The following ACOXL variants were observed in gnomAD, a reference collection of about 807,000 sequenced individuals.
The protein encoded by ACOXL is acyl-coenzyme A oxidase-like protein.
A neutral mutation model predicts 71.9 loss-of-function variants in ACOXL; 70 were observed. The observed-to-expected ratio is 0.97, with a 90% CI of 0.80 to 1.19. The LOEUF (loss-of-function observed/expected upper bound fraction) is 1.19. ACOXL is among the 50% of genes most tolerant of loss of function. The pLI, the probability that ACOXL is intolerant of heterozygous loss-of-function variation, is 0.00. For synonymous variants in ACOXL, 253 were observed against 281.6 expected, an observed-to-expected ratio of 0.90 and a Z score of 1.02; for missense variants, 703 against 736.3, an observed-to-expected ratio of 0.95 and a Z score of 0.52.
chr2:111,029,484 G>A (rs1052333385), intron 14 of ACOXL, among the ~76,000 whole-genome samples: 1 of 152,244 alleles, frequency 6.6e-6, no homozygotes, highest in African/African-American at 2.4e-5. Flanking sequence ...AGAATGGTGT[G>A]TAGAGCCTAT....
intron 9 of ACOXL, among the ~76,000 whole-genome samples, chr2:110,834,236 A>G (rs1308746464): frequency 6.6e-6 from 1 of 152,182 alleles, no homozygotes; most frequent in Non-Finnish European, 1.5e-5. Flanking sequence ...ATTATTTACC[A>G]CTGAATGTTC....
intron 14 of ACOXL, among the ~76,000 whole-genome samples, chr2:111,024,445 A>G (rs1167201293): frequency 6.6e-6 from 1 of 152,132 alleles, no homozygotes; most frequent in Non-Finnish European, 1.5e-5. Context: ...AAGCCAAGGA[A>G]TGTTGGAGAC....
chr2:110,868,461 G>A (rs531349149), intron 10 of ACOXL, among the ~76,000 whole-genome samples: 14 of 152,296 alleles, frequency 9.2e-5, no homozygotes, highest in African/African-American at 1.2e-4. Flanking sequence ...TGGCAGGAAC[G>A]CTCTTCTCTA....
chr2:111,024,121 G>A (rs993101536), intron 14 of ACOXL, among the ~76,000 whole-genome samples: 1 of 152,192 alleles, frequency 6.6e-6, no homozygotes, highest in African/African-American at 2.4e-5. Context: ...TGAGAAGACA[G>A]AGGTAGGCAG....
At chr2:110,944,974 G>C (rs1015452632) in intron 12 of ACOXL, among the ~76,000 whole-genome samples, 2 of 152,184 alleles carry the variant, frequency 1.3e-5, no homozygotes, top group Non-Finnish European at 2.9e-5. Context: ...CAGTGTATAA[G>C]TGTTCCCTTT....
At chr2:110,821,379 G>C (rs1449758153) in intron 9 of ACOXL, among the ~76,000 whole-genome samples, 3 of 152,104 alleles carry the variant, frequency 2.0e-5, no homozygotes, top group Non-Finnish European at 2.9e-5. Context: ...CCCCAAACAG[G>C]CTGGTCTGAG....
chr2:110,770,025 G>A (rs933150061), intron 2 of ACOXL, among the ~76,000 whole-genome samples: 2 of 152,018 alleles, frequency 1.3e-5, no homozygotes, highest in Non-Finnish European at 2.9e-5. Context: ...CTGGGCAACC[G>A]GAGTGAGACC....
chr2:110,787,529 G>C (rs1485599233), intron 3 of ACOXL, among the ~76,000 whole-genome samples: 4 of 115,316 alleles, frequency 3.5e-5, no homozygotes, highest in African/African-American at 1.4e-4. Flanking sequence ...GCAAGACTCC[G>C]TCTCAAAAAA....
intron 14 of ACOXL, among the ~76,000 whole-genome samples, chr2:111,020,281 T>C (rs2064686139): frequency 6.6e-6 from 1 of 152,198 alleles, no homozygotes; most frequent in Non-Finnish European, 1.5e-5. Context: ...TGCTGGTTGC[T>C]GGGGTGGTTG....
intron 10 of ACOXL, among the ~76,000 whole-genome samples, chr2:110,861,793 T>G (rs1325405786): frequency 6.6e-6 from 1 of 152,210 alleles, no homozygotes; most frequent in Non-Finnish European, 1.5e-5. Flanking sequence ...CTCTCTGAGC[T>G]GTTGACCCCT....
chr2:111,020,503 A>G (rs552225540), intron 14 of ACOXL, among the ~76,000 whole-genome samples: 3 of 152,308 alleles, frequency 2.0e-5, no homozygotes, highest in South Asian at 4.1e-4. Context: ...AGAGAATTGC[A>G]TGTACAAATA....
At chr2:110,777,405 A>G (rs1682790398) in intron 2 of ACOXL, among the ~76,000 whole-genome samples, 1 of 152,208 alleles carries the variant, frequency 6.6e-6, no homozygotes, top group Non-Finnish European at 1.5e-5. Context: ...GAAAGTAAAT[A>G]TGGTGCTCAT....
intron 10 of ACOXL, among the ~76,000 whole-genome samples, chr2:110,847,838 C>G (rs1315214906): frequency 1.3e-5 from 2 of 152,192 alleles, no homozygotes; most frequent in African/African-American, 4.8e-5. Flanking sequence ...TGGAGGCCTG[C>G]CTTTACAACA....
intron 12 of ACOXL, among the ~76,000 whole-genome samples, chr2:110,958,147 GCACA>G (rs1054093496): frequency 5.3e-5 from 8 of 151,496 alleles, no homozygotes; most frequent in African/African-American, 9.7e-5. Context: ...ACACACACAT[GCACA>G]CACACACTCT....
intron 10 of ACOXL, among the ~76,000 whole-genome samples, chr2:110,847,130 T>A (rs990683886): frequency 6.6e-6 from 1 of 151,784 alleles, no homozygotes; most frequent in Non-Finnish European, 1.5e-5. Flanking sequence ...AGATAACAGC[T>A]CTCGGGGCCC....
chr2:110,814,162 C>G (rs1249234911), intron 9 of ACOXL, among the ~76,000 whole-genome samples: 1 of 152,240 alleles, frequency 6.6e-6, no homozygotes, highest in African/African-American at 2.4e-5. Context: ...ACATTTCACT[C>G]AGACTGGGAT....
At chr2:110,734,739 T>C (rs1289376182) in intron 1 of ACOXL, among the ~76,000 whole-genome samples, 1 of 152,036 alleles carries the variant, frequency 6.6e-6, no homozygotes, top group Non-Finnish European at 1.5e-5. Context: ...CGGAACAAAA[T>C]TGTAATAACC....
chr2:110,995,083 A>G (rs1410722073), intron 13 of ACOXL, among the ~76,000 whole-genome samples: 1 of 151,284 alleles, frequency 6.6e-6, no homozygotes, highest in African/African-American at 2.4e-5. Flanking sequence ...TTTGTAATAG[A>G]TATATTTGAT....
intron 11 of ACOXL, among the ~76,000 whole-genome samples, chr2:110,915,382 A>ATGTGTGTGTGTGTGTGTGTGTG (rs2059810873): frequency 8.7e-6 from 1 of 115,528 alleles, no homozygotes; most frequent in Non-Finnish European, 1.8e-5. Context: ...GTGTGTGTGT[A>ATGTGTGTGTGTGTGTGTGTGTG]TGTATGTGTG....
Sources: gnomAD v4.1 joint callset for allele counts (sites outside exome capture counted in the v4.1 genomes callset) on GRCh38, gnomAD v4.1.1 for gene constraint, MANE v1.5 for transcripts, NCBI Gene and HGNC (gene_info 2026-07-23, HGNC 2026-07-21) for gene names.